Variants in EMC3 observed in about 807,000 individuals in gnomAD.
The protein encoded by EMC3 is ER membrane protein complex subunit 3.
EMC3 carries 13 observed loss-of-function variants against 36.6 expected under a neutral mutation model. That is an observed-to-expected ratio of 0.35 (90% CI 0.23 to 0.56). The LOEUF (loss-of-function observed/expected upper bound fraction) is 0.56. Among genes scored for constraint, EMC3 ranks in the 20% least tolerant of loss-of-function variants. The pLI, the probability that EMC3 is intolerant of heterozygous loss-of-function variation, is 0.84. For synonymous variants in EMC3, 120 were observed against 111.9 expected, an observed-to-expected ratio of 1.07 and a Z score of -0.46; for missense variants, 220 against 324.5, an observed-to-expected ratio of 0.68 and a Z score of 2.47.
At chr3:9,974,954 A>C (rs2085830046) in intron 3 of EMC3, among the ~76,000 whole-genome samples, 2 of 135,302 alleles carry the variant, frequency 1.5e-5, no homozygotes, top group Admixed American at 1.7e-4. Context: ...TCCGCCTCCC[A>C]GGTTCAAGTG....
At chr3:9,989,722 T>G (rs559171300), upstream of EMC3, among the ~76,000 whole-genome samples, 135 of 152,326 alleles carry the variant, frequency 8.9e-4, no homozygotes, top group Middle Eastern at 6.8e-3. Context: ...TTTAACACCT[T>G]GACTGCCTGC....
At chr3:9,991,832 G>T (rs1009490639), upstream of EMC3, among the ~76,000 whole-genome samples, 1 of 152,170 alleles carries the variant, frequency 6.6e-6, no homozygotes, top group Admixed American at 6.5e-5. Flanking sequence ...CCGTTTCGGG[G>T]CATGATTTCA....
At chr3:9,986,397 C>T in intron 1 of EMC3, 110 bp downstream of exon 1, 1 of 1,303,224 alleles carries the variant, frequency 7.7e-7, no homozygotes, top group Non-Finnish European at 1.1e-6. Context: ...GGTAAGGTCA[C>T]CCTGTCAGAG....
At chr3:10,009,330 G>A (rs1252495838) in intron 1 of EMC3, among the ~76,000 whole-genome samples, 2 of 152,120 alleles carry the variant, frequency 1.3e-5, no homozygotes, top group African/African-American at 4.8e-5. Flanking sequence ...CTCCTCCTGT[G>A]CAACACGGAA....
chr3:10,005,190 A>C (rs190514843), intron 1 of EMC3: 14 of 151,790 alleles, frequency 9.2e-5, no homozygotes, highest in African/African-American at 3.4e-4. Context: ...GAGGAGGAAG[A>C]GGAGGCCCGG....
chr3:9,973,550 C>T (rs1468571711), intron 5 of EMC3, 78 bp downstream of exon 5: 3 of 1,349,170 alleles, frequency 2.2e-6, no homozygotes, highest in African/African-American at 1.4e-5. Context: ...GTCTCAAACT[C>T]ATGGGCTCAA....
At chr3:9,964,670 G>A (rs960834277) in intron 7 of EMC3, among the ~76,000 whole-genome samples, 1 of 152,108 alleles carries the variant, frequency 6.6e-6, no homozygotes, top group African/African-American at 2.4e-5. Flanking sequence ...AATGGCCCAG[G>A]GTATCTTCAG....
chr3:9,992,464 T>A (rs2086066710), intron 1 of EMC3, among the ~76,000 whole-genome samples: 1 of 152,322 alleles, frequency 6.6e-6, no homozygotes, highest in African/African-American at 2.4e-5. Context: ...TTTCAAAAAT[T>A]AAAATTACTC....
upstream of EMC3, chr3:9,987,397 T>C: frequency 1.6e-6 from 1 of 630,678 alleles, no homozygotes; most frequent in Non-Finnish European, 2.0e-6. Flanking sequence ...TCATCTGCCC[T>C]GAGATGGGAT....
chr3:9,969,329 A>T, intron 7 of EMC3: 5 of 1,106,508 alleles, frequency 4.5e-6, no homozygotes, highest in Non-Finnish European at 5.5e-6. Flanking sequence ...AATCATACTA[A>T]ATTTTGCAAA....
chr3:10,007,687 A>C (rs1181125403), intron 1 of EMC3: 1 of 1,318,858 alleles, frequency 7.6e-7, no homozygotes, highest in Non-Finnish European at 1.0e-6. Context: ...CTTCCCAGGA[A>C]CCCGGTTTGT....
At chr3:10,006,510 CCCACTACTTAGCATCT>C (rs2086263365) in intron 1 of EMC3, 1 of 153,826 alleles carries the variant, frequency 6.5e-6, no homozygotes, top group East Asian at 1.9e-4. Flanking sequence ...ATGAGGAAAT[CCCACTACTTAGCATCT>C]CCACTACCTC....
chr3:9,968,838 GAC>G (rs1287700941), intron 7 of EMC3: 1 of 137,386 alleles, frequency 7.3e-6, no homozygotes, highest in Non-Finnish European at 1.5e-5. Context: ...TTTTTTTTGA[GAC>G]AGAGTTTTGC....
intron 3 of EMC3, among the ~76,000 whole-genome samples, chr3:9,974,788 G>C (rs553746754): frequency 1.3e-5 from 2 of 150,704 alleles, no homozygotes; most frequent in Admixed American, 6.6e-5. Context: ...TTGATCTCCT[G>C]AACTCGTGAT....
rs190488967 is a variant in EMC3 at position 9,974,607 on chromosome 3, G to A, written c.308-119C>T. On this transcript the variant is annotated intron_variant, in intron 3 of 7. Transcript: ENST00000245046. The stretch of plus-strand genomic sequence containing the variant: ...GGAGTCCCGCTCTGTCGCCCAGGCT[G>A]GAGTGCAGTGGTGCGATCTCAGCTC... 611 of 628,412 alleles carry A rather than the reference G, an allele frequency of 9.7e-4. 1 individual carries two copies. Among genetic ancestry groups the A allele is most frequent in the Middle Eastern group, 5.2e-3 (12 of 2,318 alleles). 38.9% of individuals were successfully genotyped at this position (628,412 alleles called of 1,614,324 possible).
chr3:9,988,800 A>G (rs2124923299), upstream of EMC3: 1 of 1,116,334 alleles, frequency 9.0e-7, no homozygotes, highest in African/African-American at 1.6e-5. Flanking sequence ...AAGTAATGAC[A>G]TTGGCTAGCT....
At chr3:9,972,476 A>C (rs1180329309) in intron 5 of EMC3, among the ~76,000 whole-genome samples, 3 of 151,616 alleles carry the variant, frequency 2.0e-5, no homozygotes, top group Non-Finnish European at 2.9e-5. Context: ...AAAAAAAAAA[A>C]AAAAAAAACT....
At chr3:9,964,289 A>G in intron 7 of EMC3, 92 bp from the exon 8 acceptor site, 2 of 1,526,134 alleles carry the variant, frequency 1.3e-6, no homozygotes, top group Non-Finnish European at 1.8e-6. Context: ...CTGGGCCAAA[A>G]GCTGGAGTGA....
chr3:9,965,710 TC>T (rs1290717114), intron 7 of EMC3, among the ~76,000 whole-genome samples: 2 of 152,170 alleles, frequency 1.3e-5, no homozygotes, highest in Non-Finnish European at 2.9e-5. Context: ...TACGTTATCT[TC>T]CGTATCTTTT....
Sources: allele counts gnomAD v4.1 joint callset (sites outside exome capture counted in the v4.1 genomes callset), GRCh38; gene constraint gnomAD v4.1.1; transcripts MANE v1.5; gene names NCBI Gene and HGNC (gene_info 2026-07-23, HGNC 2026-07-21).